The following WWOX variants were observed in gnomAD, a reference collection of about 807,000 sequenced individuals.
WWOX encodes the protein WW domain-containing oxidoreductase.
In WWOX, 69 loss-of-function variants were observed where a neutral mutation model predicts 46.2. That is an observed-to-expected ratio of 1.49 (90% CI 1.23 to 1.82). The LOEUF is 1.82. Ranked by LOEUF, WWOX falls within the 40% of genes most tolerant of loss-of-function variation. The probability of loss-of-function intolerance (pLI) is 0.00; values close to 1 mark genes in which losing one functional copy is unlikely to be tolerated. For synonymous variants in WWOX, 359 were observed against 202.6 expected, an observed-to-expected ratio of 1.77 and a Z score of -6.56; for missense variants, 919 against 542.6, an observed-to-expected ratio of 1.69 and a Z score of -6.89.
intron 8 of WWOX, among the ~76,000 whole-genome samples, chr16:78,840,160 C>G (rs890179042): frequency 2.0e-5 from 3 of 152,082 alleles, no homozygotes; most frequent in Admixed American, 6.6e-5. Context: ...ACATTGCCTC[C>G]CAGTTGACCC....
At chr16:79,176,814 C>A (rs1597447898) in intron 8 of WWOX, among the ~76,000 whole-genome samples, 2 of 151,862 alleles carry the variant, frequency 1.3e-5, no homozygotes, top group East Asian at 3.9e-4. Flanking sequence ...GCAAAAAGAC[C>A]CCTGGAAAAG....
chr16:79,094,465 T>G (rs376088863), intron 8 of WWOX, among the ~76,000 whole-genome samples: 34 of 152,206 alleles, frequency 2.2e-4, no homozygotes, highest in African/African-American at 7.2e-4. Flanking sequence ...TTGGCCAAAC[T>G]GGTCCAGAAC....
chr16:79,192,852 G>A (rs1261394822), intron 8 of WWOX, among the ~76,000 whole-genome samples: 3 of 152,174 alleles, frequency 2.0e-5, no homozygotes, highest in Non-Finnish European at 4.4e-5. Context: ...AAGTCACTTA[G>A]CCTCTCTGAG....
intron 8 of WWOX, among the ~76,000 whole-genome samples, chr16:79,091,451 C>G (rs879730625): frequency 2.6e-5 from 4 of 152,106 alleles, no homozygotes; most frequent in Non-Finnish European, 4.4e-5. Context: ...GGTGTTCATT[C>G]TACCCAATTT....
At chr16:78,217,648 A>T (rs1269806411) in intron 5 of WWOX, among the ~76,000 whole-genome samples, 2 of 152,166 alleles carry the variant, frequency 1.3e-5, no homozygotes, top group African/African-American at 4.8e-5. Context: ...GAAAGTTACT[A>T]GGTGCCAGGT....
At chr16:78,701,905 C>T (rs1249223800) in intron 8 of WWOX, among the ~76,000 whole-genome samples, 1 of 150,192 alleles carries the variant, frequency 6.7e-6, no homozygotes, top group African/African-American at 2.5e-5. Context: ...GCAAAGGAAG[C>T]CTGGTGAAGT....
At chr16:78,524,531 C>T (rs8057065) in intron 8 of WWOX, among the ~76,000 whole-genome samples, 19,719 of 151,714 alleles carry the variant, frequency 0.13, 1,571 homozygotes, top group East Asian at 0.31. Flanking sequence ...AGTGATTCTT[C>T]TACCTCAGCC....
intron 4 of WWOX, among the ~76,000 whole-genome samples, chr16:78,143,492 G>T (rs1202634960): frequency 6.6e-6 from 1 of 152,180 alleles, no homozygotes; most frequent in African/African-American, 2.4e-5. Context: ...GAACACGGGT[G>T]CTCATCGTTT....
intron 8 of WWOX, among the ~76,000 whole-genome samples, chr16:78,766,591 G>A (rs919973782): frequency 1.3e-5 from 2 of 152,118 alleles, no homozygotes; most frequent in Non-Finnish European, 2.9e-5. Flanking sequence ...TTGTCTCCTT[G>A]TCTCTAAAAA....
At chr16:78,328,397 A>G (rs1039081766) in intron 5 of WWOX, among the ~76,000 whole-genome samples, 12 of 152,210 alleles carry the variant, frequency 7.9e-5, no homozygotes, top group Admixed American at 7.2e-4. Flanking sequence ...AGAATCCTTC[A>G]ACACATACTT....
At chr16:78,656,436 G>T (rs1475089200) in intron 8 of WWOX, among the ~76,000 whole-genome samples, 2 of 152,174 alleles carry the variant, frequency 1.3e-5, no homozygotes, top group African/African-American at 4.8e-5. Flanking sequence ...CATACAGGAA[G>T]CCCAGTTAGG....
At chr16:78,996,769 G>GCTTCCCA (rs1392966402) in intron 8 of WWOX, among the ~76,000 whole-genome samples, 1 of 152,078 alleles carries the variant, frequency 6.6e-6, no homozygotes. Flanking sequence ...TTCCCTTCCC[G>GCTTCCCA]CTTCCCACCT....
At chr16:78,962,988 C>T (rs900157828) in intron 8 of WWOX, among the ~76,000 whole-genome samples, 1 of 152,154 alleles carries the variant, frequency 6.6e-6, no homozygotes, top group Non-Finnish European at 1.5e-5. Context: ...TCTTTCTCTG[C>T]CACTGCCATC....
chr16:78,506,009 C>T (rs922856314), intron 8 of WWOX, among the ~76,000 whole-genome samples: 3 of 152,208 alleles, frequency 2.0e-5, no homozygotes, highest in Non-Finnish European at 4.4e-5. Flanking sequence ...CACCATTCCC[C>T]GTCAGCCCCT....
intron 8 of WWOX, among the ~76,000 whole-genome samples, chr16:78,994,609 A>C (rs1305636984): frequency 1.3e-5 from 2 of 152,196 alleles, no homozygotes; most frequent in Non-Finnish European, 2.9e-5. Flanking sequence ...TGCAGGCGCA[A>C]ACTCCCAAAC....
At chr16:78,108,213 A>G (rs1015633552) in intron 1 of WWOX, among the ~76,000 whole-genome samples, 6 of 150,826 alleles carry the variant, frequency 4.0e-5, no homozygotes, top group African/African-American at 1.5e-4. Flanking sequence ...GGTGTGAGCC[A>G]CCGCTCCCGA....
intron 6 of WWOX, among the ~76,000 whole-genome samples, chr16:78,391,769 G>C (rs747501082): frequency 6.6e-6 from 1 of 152,134 alleles, no homozygotes; most frequent in Non-Finnish European, 1.5e-5. Context: ...AATTGCTTGA[G>C]CTCTGGGGTG....
At chr16:78,454,929 A>G (rs79967869) in intron 8 of WWOX, among the ~76,000 whole-genome samples, 2,261 of 152,302 alleles carry the variant, frequency 0.015, 113 homozygotes, top group Admixed American at 0.11. Flanking sequence ...CACTGCCCCA[A>G]TACTGTTTGA....
intron 8 of WWOX, chr16:78,996,451 G>T (rs1271653606): frequency 6.0e-6 from 3 of 502,574 alleles, no homozygotes; most frequent in Non-Finnish European, 7.5e-6. Flanking sequence ...TATTCAAAGT[G>T]CTCAGCACTG....
Sources: allele counts gnomAD v4.1 joint callset (sites outside exome capture counted in the v4.1 genomes callset), GRCh38; gene constraint gnomAD v4.1.1; transcripts MANE v1.5; gene names NCBI Gene and HGNC (gene_info 2026-07-23, HGNC 2026-07-21).